The following PLCG2 variants were observed in gnomAD, a reference collection of about 807,000 sequenced individuals.
PLCG2 encodes phospholipase C gamma 2, also known as 1-phosphatidylinositol 4,5-bisphosphate phosphodiesterase gamma-2.
PLCG2 carries 69 observed loss-of-function variants against 175.6 expected under a neutral mutation model. The observed-to-expected ratio is 0.39, with a 90% CI of 0.32 to 0.48. The LOEUF (loss-of-function observed/expected upper bound fraction) is 0.48, where lower values mean the gene tolerates loss of function less well. Among genes scored for constraint, PLCG2 ranks in the 20% least tolerant of loss-of-function variants. The pLI is 0.91. For synonymous variants in PLCG2, 827 were observed against 624.0 expected (o/e 1.33, Z -4.85); for missense variants, 1,798 against 1,650.9 (o/e 1.09, Z -1.54).
chr16:81,867,967 G>C (rs1907328007), intron 5 of PLCG2, among the ~76,000 whole-genome samples: 1 of 152,180 alleles, frequency 6.6e-6, no homozygotes, highest in Admixed American at 6.5e-5. Context: ...CCAAAGTGCT[G>C]GGATTACAGG....
intron 2 of PLCG2, among the ~76,000 whole-genome samples, chr16:81,772,608 A>G (rs1288637150): frequency 5.3e-5 from 8 of 151,426 alleles, no homozygotes; most frequent in Non-Finnish European, 8.8e-5. Flanking sequence ...TCAGGAGTTC[A>G]AGACCAGCCT....
At chr16:81,771,821 T>C (rs908303967) in intron 2 of PLCG2, among the ~76,000 whole-genome samples, 1 of 152,194 alleles carries the variant, frequency 6.6e-6, no homozygotes, top group Non-Finnish European at 1.5e-5. Flanking sequence ...TCTCTCTCTC[T>C]TGCCCAAGCT....
At chr16:81,876,916 G>A (rs756664758) in intron 7 of PLCG2, among the ~76,000 whole-genome samples, 3 of 152,228 alleles carry the variant, frequency 2.0e-5, no homozygotes, top group East Asian at 1.9e-4. Flanking sequence ...ACATATGTAC[G>A]TGTAGTGTGG....
intron 2 of PLCG2, among the ~76,000 whole-genome samples, chr16:81,840,307 C>T (rs905202172): frequency 2.6e-5 from 4 of 151,934 alleles, no homozygotes; most frequent in Non-Finnish European, 4.4e-5. Context: ...AGCAGCAGTC[C>T]CAGACTTTTT....
At chr16:81,820,707 G>T (rs1028174740) in intron 2 of PLCG2, among the ~76,000 whole-genome samples, 2 of 151,996 alleles carry the variant, frequency 1.3e-5, no homozygotes, top group Non-Finnish European at 2.9e-5. Context: ...TGCAGCTTCC[G>T]CCTCCCAGGT....
In PLCG2 at chr16:81,900,733, G is replaced by T; in HGVS notation, c.1315G>T (p.Asp439Tyr). The T allele has an allele frequency of 6.2e-7, 1 of 1,608,828 alleles. No individual in the cohort carries two copies. The highest frequency in any genetic ancestry group is 2.2e-5 in the East Asian group (1 of 44,716). ...GACGAAGCCCACGGAGGCCAGTGCT[G>T]ACCAGCTGCCCTCGCCCAGCCAGCT... is the stretch of plus-strand genomic sequence containing the variant. Reference protein sequence around the residue: ...LLTKPTEASADQLPSPSQLRE... With the variant: ...LLTKPTEASAYQLPSPSQLRE... The change falls in exon 14 of 33, where the codon GAC (aspartate) becomes TAC (tyrosine). Residue 439 changes from aspartate to tyrosine, a missense_variant. By Grantham distance (160) the Asp-to-Tyr change is radical. Coordinates refer to ENST00000564138, the MANE Select transcript of PLCG2 (RefSeq NM_002661.5).
At chr16:81,740,762 C>T (rs1413102882) in intron 1 of PLCG2, among the ~76,000 whole-genome samples, 7 of 85,420 alleles carry the variant, frequency 8.2e-5, no homozygotes, top group East Asian at 3.4e-4. Flanking sequence ...AAAAAAAAAC[C>T]GAAACCAAAC....
chr16:81,785,715 G>A (rs1055454005), intron 1 of PLCG2: 4 of 318,618 alleles, frequency 1.3e-5, no homozygotes, highest in Non-Finnish European at 2.3e-5. Flanking sequence ...CCCACGTAAC[G>A]GTTGGGTCCT....
intron 7 of PLCG2, among the ~76,000 whole-genome samples, chr16:81,874,470 A>G (rs1318758774): frequency 6.6e-6 from 1 of 152,234 alleles, no homozygotes; most frequent in Non-Finnish European, 1.5e-5. Flanking sequence ...GGCCAGCTCT[A>G]AGAACCTCAC....
chr16:81,877,972 A>ATTT (rs1907888702), intron 7 of PLCG2, among the ~76,000 whole-genome samples: 2 of 35,312 alleles, frequency 5.7e-5, no homozygotes, highest in African/African-American at 1.1e-4. Flanking sequence ...TTTTTTTTTT[A>ATTT]ATTTTTTTTT....
chr16:81,792,048 A>G (rs1439743835), intron 2 of PLCG2, among the ~76,000 whole-genome samples: 1 of 152,220 alleles, frequency 6.6e-6, no homozygotes, highest in South Asian at 2.1e-4. Flanking sequence ...AAGGAATGGC[A>G]TGCATATCGA....
At chr16:81,840,624 A>G (rs1260484303) in intron 2 of PLCG2, among the ~76,000 whole-genome samples, 5 of 152,146 alleles carry the variant, frequency 3.3e-5, no homozygotes, top group South Asian at 2.1e-4. Flanking sequence ...GCAGTTCTCA[A>G]TAAGGTTTGT....
chr16:81,758,524 C>T (rs527875433), intron 2 of PLCG2, among the ~76,000 whole-genome samples: 2 of 152,202 alleles, frequency 1.3e-5, no homozygotes, highest in African/African-American at 4.8e-5. Flanking sequence ...TAGGAGTGGC[C>T]TTGCTGAGTC....
chr16:81,926,061 G>A (rs1376611124), intron 22 of PLCG2, among the ~76,000 whole-genome samples: 1 of 150,136 alleles, frequency 6.7e-6, no homozygotes, highest in Non-Finnish European at 1.5e-5. Context: ...CGTGGGAGAG[G>A]AAATGCCCAA....
At chr16:81,849,771 CAAAAAAAAAAAAAAAA>C (rs34130863) in intron 2 of PLCG2, among the ~76,000 whole-genome samples, 1 of 83,154 alleles carries the variant, frequency 1.2e-5, no homozygotes. Context: ...AACTCTGTCT[CAAAAAAAAAAAAAAAA>C]AAAAAAAAAA....
chr16:81,848,460 C>G (rs186599678), intron 2 of PLCG2, among the ~76,000 whole-genome samples: 422 of 152,218 alleles, frequency 2.8e-3, no homozygotes, highest in Middle Eastern at 0.014. Flanking sequence ...TTCATTCTTT[C>G]TTTCTTACCA....
chr16:81,890,272 T>G (rs1908569095), intron 10 of PLCG2, among the ~76,000 whole-genome samples: 1 of 152,170 alleles, frequency 6.6e-6, no homozygotes, highest in Non-Finnish European at 1.5e-5. Flanking sequence ...CCTAACCTGG[T>G]CTTACCTTAG....
intron 2 of PLCG2, among the ~76,000 whole-genome samples, chr16:81,773,004 G>A (rs1353705319): frequency 1.3e-5 from 2 of 151,972 alleles, no homozygotes; most frequent in African/African-American, 4.8e-5. Context: ...GCCCTGTTTG[G>A]CCACATACTC....
At chr16:81,885,560 C>G (rs1908318988) in intron 9 of PLCG2, among the ~76,000 whole-genome samples, 1 of 152,210 alleles carries the variant, frequency 6.6e-6, no homozygotes. Flanking sequence ...AATTCTAAAG[C>G]AAACCCCAGA....
Sources: allele counts gnomAD v4.1 joint callset (sites outside exome capture counted in the v4.1 genomes callset), GRCh38; gene constraint gnomAD v4.1.1; transcripts MANE v1.5; gene names NCBI Gene and HGNC (gene_info 2026-07-23, HGNC 2026-07-21).